Variants in NEK10 observed in about 807,000 individuals in gnomAD.
The protein encoded by NEK10 is NIMA related kinase 10.
A neutral mutation model predicts 159.8 loss-of-function variants in NEK10; 122 were observed. The observed-to-expected ratio is 0.76, with a 90% CI of 0.66 to 0.89. The LOEUF (loss-of-function observed/expected upper bound fraction) is 0.89, where lower values mean the gene tolerates loss of function less well. NEK10 is among the 40% of genes least tolerant of loss of function. The probability of loss-of-function intolerance (pLI) is 0.00; values close to 1 mark genes in which losing one functional copy is unlikely to be tolerated. For synonymous variants in NEK10, 466 were observed against 457.1 expected (o/e 1.02, Z -0.25); for missense variants, 1,342 against 1,323.1 (o/e 1.01, Z -0.22).
chr3:27,136,150 T>G (rs2125546961), intron 31 of NEK10, among the ~76,000 whole-genome samples: 1 of 136,254 alleles, frequency 7.3e-6, no homozygotes, highest in East Asian at 2.4e-4. Context: ...TCTTGCTCTG[T>G]CACCCAGGCT....
At chr3:27,262,345 G>A (rs921774718) in intron 22 of NEK10, among the ~76,000 whole-genome samples, 10 of 152,040 alleles carry the variant, frequency 6.6e-5, no homozygotes, top group African/African-American at 9.7e-5. Flanking sequence ...TCTTTGTGGC[G>A]TTCTCTGTAT....
At chr3:27,362,355 G>A (rs572149172) in intron 1 of NEK10, among the ~76,000 whole-genome samples, 1 of 152,278 alleles carries the variant, frequency 6.6e-6, no homozygotes, top group South Asian at 2.1e-4. Flanking sequence ...TAATGGCTAA[G>A]AAGTTTGGAA....
chr3:27,112,826 T>C (rs1939772530), intron 35 of NEK10, among the ~76,000 whole-genome samples: 2 of 152,182 alleles, frequency 1.3e-5, no homozygotes, highest in South Asian at 2.1e-4. Context: ...ATGAAACCTA[T>C]TGGGGAAAAA....
At chr3:27,297,508 C>T (rs1393575410) in intron 13 of NEK10, among the ~76,000 whole-genome samples, 1 of 152,188 alleles carries the variant, frequency 6.6e-6, no homozygotes, top group East Asian at 1.9e-4. Flanking sequence ...TACCAGGAGG[C>T]AAGTATTGCA....
intron 32 of NEK10, 27 bp downstream of exon 32, chr3:27,131,853 A>T: frequency 7.7e-7 from 1 of 1,307,148 alleles, no homozygotes; most frequent in Non-Finnish European, 1.1e-6. Context: ...TGTCAGCAAA[A>T]GAATTCCTAT....
At chr3:27,290,945 CT>C (rs2042955612) in intron 18 of NEK10, among the ~76,000 whole-genome samples, 191 bp from the exon 19 acceptor site, 1 of 152,154 alleles carries the variant, frequency 6.6e-6, no homozygotes. Flanking sequence ...CTGGTATCCC[CT>C]GGGTCAGTCT....
intron 30 of NEK10, among the ~76,000 whole-genome samples, chr3:27,160,260 G>A (rs1374826087): frequency 6.6e-6 from 1 of 152,154 alleles, no homozygotes; most frequent in African/African-American, 2.4e-5. Flanking sequence ...TGGACTACCA[G>A]ATTAATGTCA....
At chr3:27,347,969 C>A (rs1575859637) in intron 3 of NEK10, among the ~76,000 whole-genome samples, 2 of 152,220 alleles carry the variant, frequency 1.3e-5, no homozygotes, top group East Asian at 1.9e-4. Flanking sequence ...TTATAAAACA[C>A]TTGTTATGTG....
At chr3:27,271,030 G>A (rs899228690) in intron 22 of NEK10, among the ~76,000 whole-genome samples, 1 of 151,964 alleles carries the variant, frequency 6.6e-6, no homozygotes. Flanking sequence ...ATCCATGAGA[G>A]GACTTTGTAT....
At chr3:27,231,412 G>T (rs1953255286) in intron 23 of NEK10, among the ~76,000 whole-genome samples, 3 of 151,848 alleles carry the variant, frequency 2.0e-5, no homozygotes. Flanking sequence ...AGCACAAATT[G>T]ATAATCTAAT....
chr3:27,278,427 T>C (rs1054748191), intron 22 of NEK10, among the ~76,000 whole-genome samples: 3 of 152,238 alleles, frequency 2.0e-5, no homozygotes, highest in East Asian at 1.9e-4. Flanking sequence ...GCAGAAACCA[T>C]GGCTTTTCAT....
chr3:27,285,398 T>C (rs1312262559), intron 20 of NEK10, among the ~76,000 whole-genome samples: 2 of 152,176 alleles, frequency 1.3e-5, no homozygotes, highest in Non-Finnish European at 2.9e-5. Context: ...TTCAACTGTA[T>C]TGTTTCATAG....
At chr3:27,204,066 C>T (rs1020780535) in intron 23 of NEK10, among the ~76,000 whole-genome samples, 1 of 152,034 alleles carries the variant, frequency 6.6e-6, no homozygotes, top group Admixed American at 6.6e-5. Context: ...TCCCCACAGA[C>T]AAATTTCTCA....
At chr3:27,169,077 T>C (rs1304553010) in intron 29 of NEK10, among the ~76,000 whole-genome samples, 2 of 152,188 alleles carry the variant, frequency 1.3e-5, no homozygotes, top group Non-Finnish European at 2.9e-5. Flanking sequence ...CAATTTTCCA[T>C]GGATCCTTTA....
chr3:27,111,963 A>G (rs1482420467), intron 35 of NEK10, among the ~76,000 whole-genome samples: 1 of 152,180 alleles, frequency 6.6e-6, no homozygotes, highest in Non-Finnish European at 1.5e-5. Context: ...GAGGCTGGCC[A>G]AGCCTTTTTG....
At position 27,192,108 on chromosome 3, in the gene NEK10, C is replaced by T. The variant is rs775535920; in HGVS notation, c.2426G>A (p.Arg809Gln). 21 of 1,614,044 alleles carry T rather than the reference C, an allele frequency of 1.3e-5. No individual in the cohort carries two copies. The highest frequency in any genetic ancestry group is 1.6e-4 in the Middle Eastern group (1 of 6,084). The change falls in exon 26 of 36, where the codon CGA (arginine) becomes CAA (glutamine). Residue 809 changes from arginine to glutamine, a missense_variant. Coordinates refer to ENST00000691995, the MANE Select transcript of NEK10 (RefSeq NM_001394966.1). ...CATAAAATACCTTTGTGTGCGTCTT[C>T]GTTCCCGTTCTAGCTTCTTTTCCAA... ...LSLEKKLERE[R>Q]RRTQRYFMEA...
chr3:27,116,009 A>G lies in NEK10; in HGVS notation c.3244-14T>C, dbSNP rs760176172. The G allele has an allele frequency of 6.2e-6, 10 of 1,612,862 alleles. No homozygotes were observed. The African/African-American group carries it at 1.1e-4, about 17-fold the overall frequency. On this transcript the variant is annotated splice_polypyrimidine_tract_variant and intron_variant, in intron 34 of 35. Transcript: ENST00000691995. Reference sequence around the variant, plus strand: ...TTCAATCACAGTCTAAAATTTTAAAAATCAGGTTAGTATTGAATTAGAAGT... The same window carrying G: ...TTCAATCACAGTCTAAAATTTTAAAGATCAGGTTAGTATTGAATTAGAAGT...
intron 23 of NEK10, among the ~76,000 whole-genome samples, chr3:27,221,329 G>A (rs915147946): frequency 6.6e-6 from 1 of 152,106 alleles, no homozygotes; most frequent in Non-Finnish European, 1.5e-5. Context: ...AAGTAACCCA[G>A]TTTAAAAATG....
intron 28 of NEK10, 124 bp downstream of exon 28, chr3:27,174,315 C>T: frequency 6.8e-7 from 1 of 1,466,278 alleles, no homozygotes; most frequent in Non-Finnish European, 9.3e-7. Flanking sequence ...TCCTAATTAG[C>T]ACTGCACCTG....
Sources: gnomAD v4.1 joint callset for allele counts (sites outside exome capture counted in the v4.1 genomes callset) on GRCh38, gnomAD v4.1.1 for gene constraint, MANE v1.5 for transcripts, NCBI Gene and HGNC (gene_info 2026-07-23, HGNC 2026-07-21) for gene names.